Variants in JADE1 observed in about 807,000 individuals in gnomAD.
JADE1 encodes the protein jade family PHD finger 1, also known as protein Jade-1.
A neutral mutation model predicts 81.8 loss-of-function variants in JADE1; 14 were observed. The ratio of observed to expected loss-of-function variants is 0.17; its 90% CI spans 0.11 to 0.27. The LOEUF (loss-of-function observed/expected upper bound fraction) is 0.27. JADE1 is among the 10% of genes least tolerant of loss of function. The pLI is 1.00. For missense variants in JADE1, 690 were observed against 1,047.9 expected (o/e 0.66, Z 4.71); for synonymous variants, 353 against 391.9 (o/e 0.90, Z 1.17).
At chr4:128,849,278 C>A in intron 5 of JADE1, 111 bp downstream of exon 5, 2 of 885,572 alleles carry the variant, frequency 2.3e-6, no homozygotes, top group Non-Finnish European at 3.4e-6. Flanking sequence ...GCAGCTCCAT[C>A]ATAGCTTTAG....
At chr4:128,825,419 A>G (rs1201733235) in intron 1 of JADE1, among the ~76,000 whole-genome samples, 1 of 152,184 alleles carries the variant, frequency 6.6e-6, no homozygotes, top group Non-Finnish European at 1.5e-5. Context: ...ATCAGTCATG[A>G]CCACGCCCAG....
In JADE1 at chr4:128,810,600, G is replaced by A. The variant is rs1216745972; in HGVS notation, c.-27+723G>A. On this transcript the variant is annotated intron_variant, in intron 1 of 10. Coordinates refer to ENST00000226319, the MANE Select transcript of JADE1 (RefSeq NM_199320.4). The stretch of plus-strand genomic sequence containing the variant: ...ATCCAGAGTGTGTGAGACCGTGTGT[G>A]TGGTGGGACTGTATTTGTCCAAACA... Among the ~76,000 whole-genome samples the A allele has an allele frequency of 2.6e-5, 4 of 151,868 alleles. No individual in the cohort carries two copies. The East Asian group carries it at 5.8e-4, about 22-fold the overall frequency.
chr4:128,857,082 G>C (rs546257677), intron 7 of JADE1, among the ~76,000 whole-genome samples: 17 of 152,110 alleles, frequency 1.1e-4, no homozygotes, highest in Non-Finnish European at 4.4e-5. Flanking sequence ...CAGACGCTCC[G>C]GTGAGAAGTG....
At chr4:128,866,236 A>G (rs1731770344) in intron 9 of JADE1, among the ~76,000 whole-genome samples, 1 of 152,220 alleles carries the variant, frequency 6.6e-6, no homozygotes, top group African/African-American at 2.4e-5. Flanking sequence ...TGTAATATTT[A>G]CTATGAGACA....
chr4:128,858,480 C>A (rs1730985824), intron 8 of JADE1, among the ~76,000 whole-genome samples: 1 of 152,064 alleles, frequency 6.6e-6, no homozygotes, highest in African/African-American at 2.4e-5. Flanking sequence ...AGCAGCTCAG[C>A]ACAGACATAA....
chr4:128,863,998 T>C, intron 9 of JADE1: 1 of 985,454 alleles, frequency 1.0e-6, no homozygotes, highest in Non-Finnish European at 1.2e-6. Context: ...AACATTTTTT[T>C]TGGAGTCATC....
Position 128,831,737 on chromosome 4 carries a change from C to T in JADE1, c.-22C>T. Reference sequence around the variant, plus strand: ...TGCTGTCTCATTGCTTTGCAGGCTGCCTGCTGTTTCCCGGGGAGATCATGA... The same window carrying T: ...TGCTGTCTCATTGCTTTGCAGGCTGTCTGCTGTTTCCCGGGGAGATCATGA... On this transcript the variant is annotated 5_prime_UTR_variant, in exon 2 of 11. Coordinates refer to ENST00000226319, the MANE Select transcript of JADE1 (RefSeq NM_199320.4). 3 of 1,613,994 alleles carry T rather than the reference C, an allele frequency of 1.9e-6. No homozygotes were observed. The highest frequency in any genetic ancestry group is 1.3e-5 in the African/African-American group (1 of 75,012).
chr4:128,867,945 T>G lies in JADE1; in HGVS notation c.1593T>G (p.Thr531=). Residue 531 remains threonine, a synonymous_variant, in exon 10 of 11, where the codon ACT becomes ACG. Coordinates refer to ENST00000226319, the MANE Select transcript of JADE1 (RefSeq NM_199320.4). ...KVQEQIFNLY[T]KLLEQERVSG... is the part of the protein sequence containing the mutation. ...AGGAACAGATATTCAATCTTTACAC[T>G]AAGCTTTTGGAGCAAGAAAGAGTTT... 6.2e-7 allele frequency: 1 copy of G among 1,612,788 alleles called. No homozygotes were observed. The highest frequency in any genetic ancestry group is 8.5e-7 in the Non-Finnish European group (1 of 1,178,798).
intron 2 of JADE1, among the ~76,000 whole-genome samples, chr4:128,839,004 G>A (rs575481290): frequency 2.0e-4 from 30 of 152,238 alleles, no homozygotes; most frequent in Middle Eastern, 3.4e-3. Flanking sequence ...TGAAACAGGA[G>A]TAAATTCTTA....
At chr4:128,849,992 T>C (rs1333087374) in intron 5 of JADE1, among the ~76,000 whole-genome samples, 2 of 152,004 alleles carry the variant, frequency 1.3e-5, no homozygotes, top group African/African-American at 4.8e-5. Flanking sequence ...ATCTAGGACA[T>C]AGTAAATAAT....
chr4:128,852,917 TTC>T (rs1351703713), intron 6 of JADE1, among the ~76,000 whole-genome samples: 2 of 150,872 alleles, frequency 1.3e-5, no homozygotes, highest in Non-Finnish European at 2.9e-5. Context: ...CATGGTGGTC[TTC>T]TTTTTTTTTT....
intron 1 of JADE1, among the ~76,000 whole-genome samples, chr4:128,811,687 A>G (rs1236264956): frequency 6.9e-6 from 1 of 145,404 alleles, no homozygotes; most frequent in Non-Finnish European, 1.5e-5. Flanking sequence ...CCCGCCCCGC[A>G]CAAAGCCCGC....
In JADE1 at chr4:128,831,715, T is replaced by G. The variant is rs771292744; in HGVS notation, c.-26-18T>G. The G allele has an allele frequency of 1.2e-6, 2 of 1,611,878 alleles. No homozygotes were observed. Among genetic ancestry groups the G allele is most frequent in the Non-Finnish European group, 8.5e-7 (1 of 1,177,972 alleles). On this transcript the variant is annotated intron_variant, in intron 1 of 10. Coordinates refer to ENST00000226319, the MANE Select transcript of JADE1 (RefSeq NM_199320.4). ...TGTATTATCATCTTGGGTTAAGTGC[T>G]GTCTCATTGCTTTGCAGGCTGCCTG...
At chr4:128,855,508 G>C in intron 6 of JADE1, 122 bp from the exon 7 acceptor site, 1 of 1,035,250 alleles carries the variant, frequency 9.7e-7, no homozygotes, top group Non-Finnish European at 1.3e-6. Flanking sequence ...CTGTGGGAGC[G>C]TCTCTGCTTT....
chr4:128,855,177 T>C (rs1176087165), intron 6 of JADE1, among the ~76,000 whole-genome samples: 1 of 152,176 alleles, frequency 6.6e-6, no homozygotes, highest in African/African-American at 2.4e-5. Flanking sequence ...TTCTCCACAC[T>C]CTGTATTCCA....
At chr4:128,822,517 G>A (rs1389275616) in intron 1 of JADE1, among the ~76,000 whole-genome samples, 3 of 151,350 alleles carry the variant, frequency 2.0e-5, no homozygotes, top group Non-Finnish European at 1.5e-5. Context: ...TTCGAGACCA[G>A]CCTGACCAAC....
intron 1 of JADE1, among the ~76,000 whole-genome samples, chr4:128,822,705 G>A (rs1727697504): frequency 6.6e-6 from 1 of 151,640 alleles, no homozygotes; most frequent in Non-Finnish European, 1.5e-5. Flanking sequence ...GGCAACAAGA[G>A]TGAAACTCCG....
chr4:128,835,593 G>A (rs1473416649), intron 2 of JADE1, among the ~76,000 whole-genome samples: 1 of 152,082 alleles, frequency 6.6e-6, no homozygotes, highest in African/African-American at 2.4e-5. Flanking sequence ...TCCTTCAGCC[G>A]GGCCTGTGCA....
chr4:128,862,284 C>T (rs371224647), intron 9 of JADE1, 59 bp downstream of exon 9: 111 of 1,604,964 alleles, frequency 6.9e-5, no homozygotes, highest in Admixed American at 8.5e-5. Context: ...AAGAGGCGAA[C>T]GCTCGCCCAG....
Sources: gnomAD v4.1 joint callset for allele counts (sites outside exome capture counted in the v4.1 genomes callset) on GRCh38, gnomAD v4.1.1 for gene constraint, MANE v1.5 for transcripts, NCBI Gene and HGNC (gene_info 2026-07-23, HGNC 2026-07-21) for gene names.